The following ITGB1 variants were observed in gnomAD, a reference collection of about 807,000 sequenced individuals.
ITGB1 encodes the protein integrin subunit beta 1, also known as integrin beta-1.
Under a neutral mutation model 86.5 loss-of-function variants are expected in ITGB1, and 24 were observed. The observed-to-expected ratio is 0.28, with a 90% CI of 0.20 to 0.39. ITGB1 has a LOEUF of 0.39. Among genes scored for constraint, ITGB1 ranks in the 10% least tolerant of loss-of-function variants. ITGB1 has a pLI of 1.00. For synonymous variants in ITGB1, 323 were observed against 316.8 expected (o/e 1.02, Z -0.21); for missense variants, 556 against 946.9 (o/e 0.59, Z 5.42).
At chr10:32,921,163 CAA>C (rs5784312) in intron 9 of ITGB1, among the ~76,000 whole-genome samples, 3 of 121,818 alleles carry the variant, frequency 2.5e-5, no homozygotes, top group Non-Finnish European at 3.3e-5. Context: ...GTAGCCCAGC[CAA>C]AAAAAAAAAA....
intron 15 of ITGB1, chr10:32,907,212 C>T (rs891607347): frequency 8.1e-6 from 4 of 492,642 alleles, no homozygotes; most frequent in Non-Finnish European, 1.4e-5. Flanking sequence ...TGTTTGAACA[C>T]TATAAATGTC....
intron 12 of ITGB1, 62 bp downstream of exon 12, chr10:32,911,819 AAACTC>A: frequency 6.8e-7 from 1 of 1,472,098 alleles, no homozygotes; most frequent in South Asian, 1.2e-5. Context: ...TGCACCAACT[AAACTC>A]AAGATTTTTC....
intron 11 of ITGB1, 118 bp downstream of exon 11, chr10:32,919,767 G>T: frequency 1.2e-6 from 1 of 816,588 alleles, no homozygotes; most frequent in Non-Finnish European, 2.0e-6. Flanking sequence ...AGCAACCGTG[G>T]TTGGAAAAAA....
intron 15 of ITGB1, 51 bp downstream of exon 15, chr10:32,908,317 A>T (rs774553089): frequency 1.3e-6 from 2 of 1,519,088 alleles, no homozygotes; most frequent in Non-Finnish European, 1.8e-6. Context: ...TCTTAGGAGT[A>T]TTACATTTAC....
At chr10:32,923,852 T>C (rs2094957162) in intron 6 of ITGB1, 112 bp from the exon 7 acceptor site, 2 of 862,778 alleles carry the variant, frequency 2.3e-6, no homozygotes, top group Admixed American at 2.9e-5. Context: ...CTGTATTTTC[T>C]GTGTCTTCTC....
At chr10:32,937,577 AAG>A (rs1565830338) in intron 1 of ITGB1, among the ~76,000 whole-genome samples, 1 of 150,346 alleles carries the variant, frequency 6.7e-6, no homozygotes, top group Non-Finnish European at 1.5e-5. Context: ...AAAAAAAAAA[AAG>A]AGTTACAAAA....
chr10:32,953,002 T>A (rs1228154747), intron 1 of ITGB1, among the ~76,000 whole-genome samples: 2 of 152,148 alleles, frequency 1.3e-5, no homozygotes, highest in African/African-American at 2.4e-5. Context: ...CCTTCACATA[T>A]CCTTCTGATA....
At chr10:32,936,099 T>C (rs2095000848) in intron 1 of ITGB1, 1 of 152,264 alleles carries the variant, frequency 6.6e-6, no homozygotes, top group Non-Finnish European at 1.5e-5. Context: ...AGGCCCCAAA[T>C]AGATTTTTGA....
intron 11 of ITGB1, among the ~76,000 whole-genome samples, chr10:32,918,205 T>C (rs2094938002): frequency 6.6e-6 from 1 of 151,460 alleles, no homozygotes; most frequent in Non-Finnish European, 1.5e-5. Flanking sequence ...AAGGTGGGGG[T>C]AGGGGGCAGG....
intron 3 of ITGB1, among the ~76,000 whole-genome samples, chr10:32,930,691 T>C (rs966802504): frequency 6.6e-6 from 1 of 152,058 alleles, no homozygotes. Context: ...AAGGAGTAAG[T>C]ATATGACAAG....
intron 3 of ITGB1, among the ~76,000 whole-genome samples, chr10:32,931,009 G>A (rs1192797460): frequency 1.3e-5 from 2 of 152,058 alleles, no homozygotes; most frequent in Admixed American, 1.3e-4. Flanking sequence ...TAACGGTGCT[G>A]TATAAAGTAA....
chr10:32,917,173 C>A (rs1254124945), intron 11 of ITGB1, among the ~76,000 whole-genome samples: 1 of 152,154 alleles, frequency 6.6e-6, no homozygotes, highest in Non-Finnish European at 1.5e-5. Flanking sequence ...CTTCCTTACA[C>A]CTTATACAAA....
chr10:32,908,971 T>C (rs2094905120), intron 14 of ITGB1, among the ~76,000 whole-genome samples: 1 of 152,180 alleles, frequency 6.6e-6, no homozygotes. Flanking sequence ...CCCAATTTGA[T>C]CTATAAACTC....
At chr10:32,932,189 A>C (rs2094985553) in intron 3 of ITGB1, among the ~76,000 whole-genome samples, 1 of 152,134 alleles carries the variant, frequency 6.6e-6, no homozygotes, top group African/African-American at 2.4e-5. Flanking sequence ...AGCCACACTA[A>C]AAAAAGAAAA....
chr10:32,947,992 G>C (rs2095035309), intron 1 of ITGB1, among the ~76,000 whole-genome samples: 1 of 148,568 alleles, frequency 6.7e-6, no homozygotes, highest in Non-Finnish European at 1.5e-5. Context: ...GAATAAAGAA[G>C]TAACTATGGT....
intron 15 of ITGB1, among the ~76,000 whole-genome samples, chr10:32,905,457 C>A (rs1664604066): frequency 6.6e-6 from 1 of 152,210 alleles, no homozygotes; most frequent in African/African-American, 2.4e-5. Flanking sequence ...TTAACTCTGA[C>A]AGAGTAACAA....
intron 1 of ITGB1, among the ~76,000 whole-genome samples, chr10:32,942,147 C>A (rs2095019856): frequency 1.3e-5 from 2 of 152,102 alleles, no homozygotes; most frequent in Non-Finnish European, 2.9e-5. Context: ...AGTGATGAAG[C>A]CAGGCCTCCT....
intron 1 of ITGB1, among the ~76,000 whole-genome samples, chr10:32,954,694 CAAT>C (rs1031557509): frequency 2.6e-5 from 4 of 152,018 alleles, no homozygotes; most frequent in Non-Finnish European, 5.9e-5. Context: ...AAATTATGTA[CAAT>C]GAGATTGGTC....
At chr10:32,954,161 T>C (rs1267342428) in intron 1 of ITGB1, among the ~76,000 whole-genome samples, 2 of 152,012 alleles carry the variant, frequency 1.3e-5, no homozygotes, top group African/African-American at 4.8e-5. Flanking sequence ...GCTCTCAATC[T>C]GTGTATTCAA....
Sources: gnomAD v4.1 joint callset for allele counts (sites outside exome capture counted in the v4.1 genomes callset) on GRCh38, gnomAD v4.1.1 for gene constraint, MANE v1.5 for transcripts, NCBI Gene and HGNC (gene_info 2026-07-23, HGNC 2026-07-21) for gene names.